The following GRM5 variants were observed in gnomAD, a reference collection of about 807,000 sequenced individuals.
The protein encoded by GRM5 is glutamate metabotropic receptor 5, also known as metabotropic glutamate receptor 5.
In GRM5, 19 loss-of-function variants were observed where a neutral mutation model predicts 83.1. The ratio of observed to expected loss-of-function variants is 0.23; its 90% confidence interval spans 0.16 to 0.34. The LOEUF (loss-of-function observed/expected upper bound fraction) is 0.34, where lower values mean the gene tolerates loss of function less well. GRM5 is among the 10% of genes least tolerant of loss of function. The pLI, the probability that GRM5 is intolerant of heterozygous loss-of-function variation, is 1.00. For missense variants in GRM5, 1,160 were observed against 1,588.3 expected (o/e 0.73, Z 4.58); for synonymous variants, 675 against 633.6 (o/e 1.07, Z -0.98).
intron 2 of GRM5, among the ~76,000 whole-genome samples, chr11:88,928,684 T>G (rs1945833876): frequency 6.6e-6 from 1 of 151,964 alleles, no homozygotes; most frequent in South Asian, 2.1e-4. Flanking sequence ...GTTCAAACAA[T>G]TCTAAGCTGT....
intron 3 of GRM5, among the ~76,000 whole-genome samples, chr11:88,814,668 G>C (rs1943640084): frequency 6.6e-6 from 1 of 151,664 alleles, no homozygotes; most frequent in Non-Finnish European, 1.5e-5. Flanking sequence ...CTGCATCCCA[G>C]AACAAAATTG....
intron 9 of GRM5, among the ~76,000 whole-genome samples, chr11:88,515,292 T>C (rs1479164340): frequency 3.3e-5 from 5 of 152,198 alleles, no homozygotes; most frequent in Admixed American, 6.5e-5. Flanking sequence ...ACAATTCTGT[T>C]ACCTGGACTC....
chr11:88,608,550 ACT>A (rs1428873259), intron 4 of GRM5, among the ~76,000 whole-genome samples: 1 of 119,860 alleles, frequency 8.3e-6, no homozygotes, highest in Non-Finnish European at 1.6e-5. Context: ...ACAGAGTCTC[ACT>A]CTGTGGTCCA....
chr11:88,540,431 TTG>T (rs767651900), intron 8 of GRM5, among the ~76,000 whole-genome samples: 20,331 of 152,142 alleles, frequency 0.13, 1,540 homozygotes, highest in Non-Finnish European at 0.16. Flanking sequence ...AGGAAGGAGA[TTG>T]GGATGTTTCT....
In GRM5 at chr11:88,884,404, GAAGT is replaced by G. The variant is rs564372892; in HGVS notation, c.662-34253_662-34250del. Among the ~76,000 whole-genome samples the G allele has an allele frequency of 5.3e-5, 8 of 152,304 alleles. No individual in the cohort carries two copies. The East Asian group carries it at 7.7e-4, about 15-fold the overall frequency. ...AATGCCTGTACCCCACTGTGTCTAG[GAAGT>G]AAGTAACTTGCTTTTGATTTTACAG... On this transcript the variant is annotated intron_variant, in intron 2 of 9. Coordinates refer to ENST00000305447, the MANE Select transcript of GRM5 (RefSeq NM_001143831.3).
chr11:88,911,174 A>T (rs1376544773), intron 2 of GRM5, among the ~76,000 whole-genome samples: 6 of 152,086 alleles, frequency 3.9e-5, no homozygotes, highest in Non-Finnish European at 8.8e-5. Context: ...AAAAACAATA[A>T]AAAAAGGGAC....
intron 3 of GRM5, among the ~76,000 whole-genome samples, chr11:88,765,412 A>C (rs1011984420): frequency 1.4e-5 from 2 of 144,552 alleles, no homozygotes; most frequent in Admixed American, 6.9e-5. Context: ...AAAAAAAAAA[A>C]AAACAAAGTG....
At chr11:88,655,269 G>T (rs1456231703) in intron 3 of GRM5, among the ~76,000 whole-genome samples, 1 of 151,962 alleles carries the variant, frequency 6.6e-6, no homozygotes, top group South Asian at 2.1e-4. Context: ...AATGAAGTGG[G>T]CTTGTTTGCC....
chr11:88,731,909 G>A (rs1446877541), intron 3 of GRM5, among the ~76,000 whole-genome samples: 2 of 152,048 alleles, frequency 1.3e-5, no homozygotes, highest in Non-Finnish European at 2.9e-5. Context: ...TGTTCCAGCT[G>A]CAGGCTGAGC....
chr11:89,042,453 C>T (rs1941555865), intron 2 of GRM5, among the ~76,000 whole-genome samples: 1 of 152,092 alleles, frequency 6.6e-6, no homozygotes, highest in Non-Finnish European at 1.5e-5. Context: ...TTTTAGTTTC[C>T]TTAACCGTAA....
intron 3 of GRM5, among the ~76,000 whole-genome samples, chr11:88,843,789 G>T (rs1944249554): frequency 6.6e-6 from 1 of 152,210 alleles, no homozygotes; most frequent in Non-Finnish European, 1.5e-5. Context: ...CCTTATTGCT[G>T]ATGTGGAGAA....
intron 2 of GRM5, among the ~76,000 whole-genome samples, chr11:88,997,587 G>A (rs1940229904): frequency 6.6e-6 from 1 of 151,816 alleles, no homozygotes; most frequent in African/African-American, 2.4e-5. Context: ...ATGAATTCAT[G>A]AATTACCACC....
At chr11:88,830,106 A>G (rs1943960743) in intron 3 of GRM5, among the ~76,000 whole-genome samples, 1 of 152,018 alleles carries the variant, frequency 6.6e-6, no homozygotes, top group African/African-American at 2.4e-5. Context: ...AAAACAAAAC[A>G]AATAATGGAA....
intron 4 of GRM5, among the ~76,000 whole-genome samples, chr11:88,624,830 A>T (rs927305762): frequency 2.0e-5 from 3 of 152,224 alleles, no homozygotes; most frequent in South Asian, 2.1e-4. Context: ...CAGGATTTTT[A>T]AAAAATCCCC....
At chr11:89,019,143 A>G (rs1303355301) in intron 2 of GRM5, among the ~76,000 whole-genome samples, 1 of 152,126 alleles carries the variant, frequency 6.6e-6, no homozygotes, top group Non-Finnish European at 1.5e-5. Context: ...AGGAGCACGA[A>G]TCGGGTATTT....
intron 4 of GRM5, among the ~76,000 whole-genome samples, chr11:88,619,341 TA>T (rs1176501951): frequency 2.0e-5 from 3 of 152,202 alleles, no homozygotes; most frequent in Non-Finnish European, 4.4e-5. Context: ...TTATTTGGCC[TA>T]AATGCCATTT....
chr11:88,625,073 T>C (rs145653955), intron 4 of GRM5, among the ~76,000 whole-genome samples: 12 of 152,204 alleles, frequency 7.9e-5, no homozygotes, highest in African/African-American at 2.9e-4. Flanking sequence ...ACATGGTCAT[T>C]TGGAATGAAA....
chr11:88,971,111 T>C (rs914474986), intron 2 of GRM5, among the ~76,000 whole-genome samples: 9 of 151,468 alleles, frequency 5.9e-5, no homozygotes, highest in African/African-American at 2.2e-4. Context: ...TTGTTGAAAA[T>C]GGGACTTATG....
chr11:89,001,155 TG>T (rs1940364592), intron 2 of GRM5, among the ~76,000 whole-genome samples: 1 of 151,872 alleles, frequency 6.6e-6, no homozygotes, highest in South Asian at 2.1e-4. Flanking sequence ...GGTTTCTTGG[TG>T]GAAAAAAAAA....
Sources: allele counts gnomAD v4.1 joint callset (sites outside exome capture counted in the v4.1 genomes callset), GRCh38; gene constraint gnomAD v4.1.1; transcripts MANE v1.5; gene names NCBI Gene and HGNC (gene_info 2026-07-23, HGNC 2026-07-21).